The following SLC2A5 variants were observed in gnomAD, a reference collection of about 807,000 sequenced individuals.
SLC2A5 encodes the protein solute carrier family 2 member 5.
SLC2A5 carries 56 observed loss-of-function variants against 50.3 expected under a neutral mutation model. That is an observed-to-expected ratio of 1.11 (90% CI 0.90 to 1.39). The LOEUF (loss-of-function observed/expected upper bound fraction) is 1.39, where lower values mean the gene tolerates loss of function less well. SLC2A5 is among the 40% of genes most tolerant of loss of function. The pLI is 0.00. For synonymous variants in SLC2A5, 269 were observed against 281.9 expected (o/e 0.95, Z 0.46); for missense variants, 566 against 650.1 (o/e 0.87, Z 1.41).
chr1:9,074,977 G>A (rs1310303137), intron 2 of SLC2A5, among the ~76,000 whole-genome samples: 1 of 151,794 alleles, frequency 6.6e-6, no homozygotes, highest in Non-Finnish European at 1.5e-5. Context: ...AGATGTGACT[G>A]AGCCACAGAA....
rs548746170 is a variant in SLC2A5, at chr1:9,040,040, C to G, written c.697+24G>C. 38 of 1,582,380 alleles carry G rather than the reference C, an allele frequency of 2.4e-5. No homozygotes were observed. In the South Asian group the frequency reaches 4.1e-4, roughly 17 times the overall value. On this transcript the variant is annotated intron_variant, in intron 6 of 11. Coordinates refer to ENST00000377424, the MANE Select transcript of SLC2A5 (RefSeq NM_003039.3). This position sits in a 1 kb window ranked among gnomAD's most constrained non-coding sequence, Gnocchi z 4.3. Reference sequence around the variant, plus strand: ...GGGCTGGGGAGCAGAACCTGGAGGCCGCCCCCGCCAGAGCCCTCGTTACCT... The same window carrying G: ...GGGCTGGGGAGCAGAACCTGGAGGCGGCCCCCGCCAGAGCCCTCGTTACCT...
intron 3 of SLC2A5, among the ~76,000 whole-genome samples, 154 bp downstream of exon 3, chr1:9,057,292 TAA>T (rs760221358): frequency 1.6e-3 from 163 of 103,422 alleles, no homozygotes; most frequent in East Asian, 0.012. Context: ...TCTCAAAAAT[TAA>T]AAAAAAAAAA....
At chr1:9,052,376 C>T (rs1360232260) in intron 3 of SLC2A5, among the ~76,000 whole-genome samples, 3 of 152,104 alleles carry the variant, frequency 2.0e-5, no homozygotes, top group African/African-American at 2.4e-5. Flanking sequence ...GTAGAAGGAT[C>T]GGTGGTTGCC....
At chr1:9,068,189 C>CA (rs755203801) in intron 1 of SLC2A5, among the ~76,000 whole-genome samples, 1,507 of 76,922 alleles carry the variant, frequency 0.02, 59 homozygotes, top group East Asian at 0.052. Context: ...GACTCTGTGT[C>CA]AAAAAAAAAA....
rs1365774450 is a variant in SLC2A5 at position 9,038,519 on chromosome 1, A to G, written c.1099-13T>C. 1.9e-6 allele frequency: 3 copies of G among 1,608,502 alleles called. No individual in the cohort carries two copies. Among genetic ancestry groups the G allele is most frequent in the African/African-American group, 1.3e-5 (1 of 74,804 alleles). On this transcript the variant is annotated splice_polypyrimidine_tract_variant and intron_variant, in intron 9 of 11. Transcript: ENST00000377424. ...AGGACACTGTGTCCTGTGGAGAGAA[A>G]GCAGTTGGTTCACCTGGAGCAGACA...
rs554401039 is a variant in SLC2A5, at chr1:9,045,293, A to C, written c.418+2317T>G. ...ATATGTCTCTCGGTTGCCATTTCTAATACAGTAAATATTGATCAATGTAAC... is the reference window on the plus strand; with the variant it reads ...ATATGTCTCTCGGTTGCCATTTCTACTACAGTAAATATTGATCAATGTAAC... On this transcript the variant is annotated intron_variant, in intron 4 of 11. Transcript: ENST00000377424. 3.5e-4 allele frequency among the ~76,000 whole-genome samples: 53 copies of C among 152,342 alleles called. 1 individual carries two copies. The South Asian group carries it at 5.0e-3, about 14-fold the overall frequency.
rs45482698 is a variant in SLC2A5 at position 9,040,743 on chromosome 1, G to C, written c.572-554C>G. 1.9e-3 allele frequency: 297 copies of C among 154,554 alleles called. No homozygotes were observed. The highest frequency in any genetic ancestry group is 3.5e-3 in the Non-Finnish European group (242 of 69,526). 9.6% of individuals were successfully genotyped at this position (154,554 alleles called of 1,614,324 possible). A position where few individuals can be genotyped will look rare whatever the true frequency, so the allele number is the denominator to read the frequency against. ...GCTTCACAAATGCCTAGAGGGCCGT[G>C]TGTGGTTCTGAGTCCTGCTATGGAG... On this transcript the variant is annotated intron_variant, in intron 5 of 11. Transcript: ENST00000377424. This position sits in a 1 kb window ranked among gnomAD's most constrained non-coding sequence, Gnocchi z 4.3.
chr1:9,072,701 G>A (rs901354876), upstream of SLC2A5, among the ~76,000 whole-genome samples: 1 of 151,866 alleles, frequency 6.6e-6, no homozygotes, highest in Non-Finnish European at 1.5e-5. Flanking sequence ...TGTAAACCCA[G>A]CACTTTGGGA....
At chr1:9,066,297 A>G (rs1642080843) in intron 1 of SLC2A5, among the ~76,000 whole-genome samples, 1 of 151,924 alleles carries the variant, frequency 6.6e-6, no homozygotes, top group Admixed American at 6.6e-5. Flanking sequence ...GCGCAGTGGC[A>G]CTATCTCTGC....
intron 1 of SLC2A5, among the ~76,000 whole-genome samples, chr1:9,058,999 G>T (rs1473747726): frequency 1.3e-5 from 2 of 152,062 alleles, no homozygotes; most frequent in Non-Finnish European, 2.9e-5. Context: ...CCCTACCAGA[G>T]TGTTTGCCAG....
At chr1:9,071,879 TC>T (rs1373192556), upstream of SLC2A5, among the ~76,000 whole-genome samples, 4 of 151,642 alleles carry the variant, frequency 2.6e-5, no homozygotes. Context: ...CCAGGACCCC[TC>T]TGCCTCAGCC....
At chr1:9,067,494 C>T (rs1012873916) in intron 1 of SLC2A5, among the ~76,000 whole-genome samples, 6 of 152,224 alleles carry the variant, frequency 3.9e-5, no homozygotes, top group South Asian at 4.1e-4. Flanking sequence ...ACGTGGGGAA[C>T]GTGGCAGTTG....
intron 2 of SLC2A5, among the ~76,000 whole-genome samples, chr1:9,078,325 C>T (rs887892389): frequency 6.6e-6 from 1 of 152,124 alleles, no homozygotes; most frequent in African/African-American, 2.4e-5. Context: ...TGACCTTGTG[C>T]TGACTTCTTA....
intron 2 of SLC2A5, among the ~76,000 whole-genome samples, chr1:9,057,942 C>T (rs1322566420): frequency 1.3e-5 from 2 of 152,224 alleles, no homozygotes; most frequent in Non-Finnish European, 2.9e-5. Flanking sequence ...CCTCCTAGAG[C>T]CCGGCCCACT....
chr1:9,065,147 T>A (rs545462157), intron 1 of SLC2A5, among the ~76,000 whole-genome samples: 1 of 152,058 alleles, frequency 6.6e-6, no homozygotes, highest in East Asian at 1.9e-4. Flanking sequence ...TTGTAATCAC[T>A]CCTCTCCTGA....
At position 9,037,675 on chromosome 1, in the gene SLC2A5, G is replaced by A. The variant is rs1641167279; in HGVS notation, c.1417C>T (p.Gln473Ter). 2 of 1,614,178 alleles carry A rather than the reference G, an allele frequency of 1.2e-6. No individual in the cohort carries two copies. Among genetic ancestry groups the A allele is most frequent in the Non-Finnish European group, 1.7e-6 (2 of 1,180,028 alleles). ...TKAKTFIEIN[Q>*]IFTKMNKVSE... ...ACCTTATTCATCTTGGTGAAAATCT[G>A]GTTGATCTCTATGAACGTCTTGGCC... is the stretch of plus-strand genomic sequence containing the variant. Residue 473 changes from glutamine to a stop codon, truncating the protein, a stop_gained, in exon 12 of 12, where the codon CAG becomes TAG. Transcript: ENST00000377424. LOFTEE classifies it low-confidence loss of function (END_TRUNC).
At position 9,085,426 on chromosome 1, in the gene SLC2A5, A is replaced by C. The variant is rs923008714; in HGVS notation, c.-187-284T>G. On this transcript the variant is annotated intron_variant, in intron 1 of 5. Transcript: ENST00000464985. ...CACTTTCTGGTTGATAATTGTTTGAATTTGTCTAAAGACCTGGGATTAAAC... is the reference window on the plus strand; with the variant it reads ...CACTTTCTGGTTGATAATTGTTTGACTTTGTCTAAAGACCTGGGATTAAAC... Among the ~76,000 whole-genome samples, 18 of 152,212 alleles carry C rather than the reference A, an allele frequency of 1.2e-4. 1 individual carries two copies. Among genetic ancestry groups the C allele is most frequent in the Admixed American group, 1.2e-3 (18 of 15,288 alleles).
Position 9,039,946 on chromosome 1 carries a change from C to T in SLC2A5, c.739G>A (p.Val247Met), listed in dbSNP as rs547815903. 1 of 1,612,918 alleles carries T rather than the reference C, an allele frequency of 6.2e-7. No homozygotes were observed. The highest frequency in any genetic ancestry group is 1.3e-5 in the African/African-American group (1 of 75,054). Residue 247 changes from valine (V) to methionine (M), a missense_variant, in exon 7 of 12, where the codon GTG becomes ATG. Transcript: ENST00000377424. ...TCATCCTCCTGCCGGATCTCGGCCA[C>T]CTCCCTGTCCACAGAGTCCCAGCCG... ...LRGWDSVDRE[V>M]AEIRQEDEAE...
chr1:9,049,296 C>A, intron 3 of SLC2A5: 2 of 417,528 alleles, frequency 4.8e-6, no homozygotes, highest in Non-Finnish European at 9.6e-6. Context: ...TCAGACTGGA[C>A]TATAAAATGT....
Sources: allele counts gnomAD v4.1 joint callset (sites outside exome capture counted in the v4.1 genomes callset), GRCh38; gene constraint gnomAD v4.1.1; non-coding constraint Gnocchi (gnomAD v3.1); transcripts MANE v1.5; gene names NCBI Gene and HGNC (gene_info 2026-07-23, HGNC 2026-07-21).